Variants in GRIA3 observed in about 807,000 individuals in gnomAD.
GRIA3 encodes glutamate receptor 3.
In GRIA3, 3 loss-of-function variants were observed where a neutral mutation model predicts 63.0. The ratio of observed to expected loss-of-function variants is 0.05; its 90% confidence interval spans 0.02 to 0.12. GRIA3 has a LOEUF of 0.12. Among genes scored for constraint, GRIA3 ranks in the 10% least tolerant of loss-of-function variants. The probability of loss-of-function intolerance (pLI) is 1.00; values close to 1 mark genes in which losing one functional copy is unlikely to be tolerated. For missense variants in GRIA3, 347 were observed against 700.9 expected, an observed-to-expected ratio of 0.50 and a Z score of 5.70; for synonymous variants, 274 against 257.9, an observed-to-expected ratio of 1.06 and a Z score of -0.60.
At chrX:123,250,661 T>C (rs1227481903) in intron 2 of GRIA3, among the ~76,000 whole-genome samples, 1 of 111,646 alleles carries the variant, frequency 9.0e-6, no homozygotes, top group Non-Finnish European at 1.9e-5. Flanking sequence ...ATCATTTTGG[T>C]TGAAGGGCCA....
chrX:123,271,141 C>T (rs760988290), intron 3 of GRIA3, among the ~76,000 whole-genome samples: 7 of 112,190 alleles, frequency 6.2e-5, no homozygotes, highest in Admixed American at 1.9e-4. Flanking sequence ...ATCTGTTTTC[C>T]TCTCTGAATG....
rs192380909 is a variant in GRIA3, at chrX:123,369,662, C to A, written c.750+14699C>A. Reference sequence around the variant, plus strand: ...GTGGACTAAGAGCCAGGCATGTCTGCCTCTCAGCCAGCAACTGTCTCCGAA... The same window carrying A: ...GTGGACTAAGAGCCAGGCATGTCTGACTCTCAGCCAGCAACTGTCTCCGAA... On this transcript the variant is annotated intron_variant, in intron 5 of 15. Transcript: ENST00000620443. Among the ~76,000 whole-genome samples, 510 of 112,508 alleles carry A rather than the reference C, an allele frequency of 4.5e-3. 1 individual carries two copies. Among genetic ancestry groups the A allele is most frequent in the South Asian group, 0.021 (56 of 2,698 alleles).
chrX:123,261,997 T>G lies in GRIA3; in HGVS notation c.508+8455T>G, dbSNP rs750787230. ...TATCTAGTTTTTAATGAACAGGTAG[T>G]TAATTAACCCATTAAGGGTTATCTG... On this transcript the variant is annotated intron_variant, in intron 3 of 15. Transcript: ENST00000620443. 4.5e-5 allele frequency among the ~76,000 whole-genome samples: 5 copies of G among 111,798 alleles called. No homozygotes were observed. In the South Asian group the frequency reaches 1.9e-3, roughly 42 times the overall value.
At position 123,474,459 on chromosome X, in the gene GRIA3, G is replaced by A. The variant is rs182300359; in HGVS notation, c.2325-5604G>A. 5.3e-3 allele frequency among the ~76,000 whole-genome samples: 591 copies of A among 111,342 alleles called. 4 individuals carry two copies. Among genetic ancestry groups the A allele is most frequent in the African/African-American group, 0.019 (570 of 30,624 alleles). ...AGCACTTTGGGAGGCTGAGGTGGGCGGATCACAAGGTCAAGAGATTGAGAC... is the reference window on the plus strand; with the variant it reads ...AGCACTTTGGGAGGCTGAGGTGGGCAGATCACAAGGTCAAGAGATTGAGAC... On this transcript the variant is annotated intron_variant, in intron 13 of 15. Coordinates refer to ENST00000620443, the MANE Select transcript of GRIA3 (RefSeq NM_007325.5).
intron 13 of GRIA3, chrX:123,465,593 C>A: frequency 1.3e-6 from 1 of 749,860 alleles, no homozygotes; most frequent in Non-Finnish European, 2.1e-6. Flanking sequence ...GCCAATTTGT[C>A]CTCTTGTGCT....
At chrX:123,352,161 A>G (rs1000173945) in intron 4 of GRIA3, among the ~76,000 whole-genome samples, 22 of 108,779 alleles carry the variant, frequency 2.0e-4, no homozygotes, top group African/African-American at 6.7e-4. Flanking sequence ...GCTCACTGCA[A>G]CCTCCGCCTC....
rs999656566 is a variant in GRIA3 at position 123,207,113 on chromosome X, C to T, written c.268+21123C>T. 1.2e-4 allele frequency among the ~76,000 whole-genome samples: 13 copies of T among 108,639 alleles called. No homozygotes were observed. The South Asian group carries it at 2.1e-3, about 17-fold the overall frequency. The allele number at this position is 108,639 out of a possible 115,157, so 94.3% of individuals were successfully genotyped here. On this transcript the variant is annotated intron_variant, in intron 2 of 15. Transcript: ENST00000620443. ...CTTCAATTTAGAGACGAAGGGACCA[C>T]GGTGATGTTAACAGACATGGTGGAG...
intron 3 of GRIA3, among the ~76,000 whole-genome samples, chrX:123,288,746 G>A (rs967458855): frequency 1.3e-4 from 14 of 111,629 alleles, no homozygotes; most frequent in Admixed American, 6.6e-4. Context: ...TTAAAATGGC[G>A]ATCATTAAAA....
chrX:123,399,400 T>C, intron 7 of GRIA3, among the ~76,000 whole-genome samples: 1 of 112,272 alleles, frequency 8.9e-6, no homozygotes, highest in Non-Finnish European at 1.9e-5. Context: ...AGAAAAAGCC[T>C]AAAGAAAAGT....
intron 4 of GRIA3, among the ~76,000 whole-genome samples, chrX:123,340,700 C>T (rs1014902229): frequency 6.2e-5 from 7 of 112,022 alleles, no homozygotes; most frequent in Non-Finnish European, 1.1e-4. Flanking sequence ...GAAAAAAGTC[C>T]TGATGTTTAT....
chrX:123,195,928 C>A (rs1463223665), intron 2 of GRIA3, among the ~76,000 whole-genome samples: 1 of 111,518 alleles, frequency 9.0e-6, no homozygotes, highest in Non-Finnish European at 1.9e-5. Context: ...TATCTAGTAG[C>A]TTTTCATGAC....
chrX:123,414,353 G>A (rs888871056), intron 10 of GRIA3, among the ~76,000 whole-genome samples: 57 of 112,171 alleles, frequency 5.1e-4, no homozygotes, highest in African/African-American at 1.4e-3. Context: ...TGAGTCTCAC[G>A]CCTCCACAAT....
chrX:123,185,033 G>T (rs1245248629), intron 1 of GRIA3: 2 of 337,261 alleles, frequency 5.9e-6, no homozygotes, highest in Non-Finnish European at 1.1e-5. Flanking sequence ...GTCCCAGGGT[G>T]ATGCCGACTG....
intron 3 of GRIA3, among the ~76,000 whole-genome samples, chrX:123,262,894 C>A (rs1032349393): frequency 9.0e-6 from 1 of 110,924 alleles, no homozygotes; most frequent in Non-Finnish European, 1.9e-5. Context: ...TATCTAGAAC[C>A]AAAACAACAT....
intron 12 of GRIA3, among the ~76,000 whole-genome samples, chrX:123,438,574 G>A (rs2045657336): frequency 8.9e-6 from 1 of 111,872 alleles, no homozygotes; most frequent in South Asian, 3.7e-4. Flanking sequence ...CCAGGCTGGA[G>A]TGCAGTGGCA....
chrX:123,410,278 C>T (rs989001661), intron 10 of GRIA3, among the ~76,000 whole-genome samples: 2 of 111,750 alleles, frequency 1.8e-5, no homozygotes, highest in Non-Finnish European at 3.8e-5. Context: ...TCCCAGTGGG[C>T]AACTGCCATG....
chrX:123,264,526 T>G (rs752595186), intron 3 of GRIA3, among the ~76,000 whole-genome samples: 2 of 111,313 alleles, frequency 1.8e-5, no homozygotes, highest in Non-Finnish European at 3.8e-5. Context: ...TATGTGAAAC[T>G]CATCTGAGTT....
chrX:123,400,144 A>G (rs1038780080), intron 7 of GRIA3, among the ~76,000 whole-genome samples: 1 of 111,429 alleles, frequency 9.0e-6, no homozygotes, highest in African/African-American at 3.3e-5. Flanking sequence ...CTCCCTATTC[A>G]TGACACAAAT....
intron 3 of GRIA3, among the ~76,000 whole-genome samples, chrX:123,254,688 C>T (rs779986117): frequency 9.0e-6 from 1 of 111,639 alleles, no homozygotes; most frequent in African/African-American, 3.3e-5. Context: ...ATACTTAGGC[C>T]TGTATTTCCC....
Sources: gnomAD v4.1 joint callset for allele counts (sites outside exome capture counted in the v4.1 genomes callset) on GRCh38, gnomAD v4.1.1 for gene constraint, MANE v1.5 for transcripts, NCBI Gene and HGNC (gene_info 2026-07-23, HGNC 2026-07-21) for gene names.